PPM1H: variants seen among roughly 807,000 people sequenced by gnomAD.
The protein encoded by PPM1H is protein phosphatase, Mg2+/Mn2+ dependent 1H, also known as protein phosphatase 1H.
A neutral mutation model predicts 54.9 loss-of-function variants in PPM1H; 27 were observed. The observed-to-expected ratio is 0.49, with a 90% CI of 0.36 to 0.68. The LOEUF is 0.68. Ranked by LOEUF, PPM1H falls within the 30% of genes least tolerant of loss-of-function variation. The pLI, the probability that PPM1H is intolerant of heterozygous loss-of-function variation, is 0.00. For synonymous variants in PPM1H, 305 were observed against 270.8 expected, an observed-to-expected ratio of 1.13 and a Z score of -1.24; for missense variants, 596 against 667.8, an observed-to-expected ratio of 0.89 and a Z score of 1.19.
chr12:62,741,370 T>C (rs2076380079), intron 4 of PPM1H, among the ~76,000 whole-genome samples: 1 of 152,196 alleles, frequency 6.6e-6, no homozygotes, highest in East Asian at 1.9e-4. Context: ...TCTGCCCTCC[T>C]CTGCCCCGTG....
At chr12:62,780,087 C>T (rs2076632662) in intron 4 of PPM1H, among the ~76,000 whole-genome samples, 1 of 152,082 alleles carries the variant, frequency 6.6e-6, no homozygotes, top group Admixed American at 6.6e-5. Flanking sequence ...CATGTAAAGC[C>T]CTAGACACTA....
chr12:62,695,972 C>G (rs1014297885), intron 6 of PPM1H, among the ~76,000 whole-genome samples: 2 of 152,076 alleles, frequency 1.3e-5, no homozygotes, highest in Non-Finnish European at 2.9e-5. Flanking sequence ...GAGATCCAGG[C>G]ACAGGAGGAG....
chr12:62,900,531 G>A lies in PPM1H; in HGVS notation c.245+33961C>T, dbSNP rs923366711. Among the ~76,000 whole-genome samples, 6 of 142,592 alleles carry A rather than the reference G, an allele frequency of 4.2e-5. No individual in the cohort carries two copies. The East Asian group carries it at 6.1e-4, about 15-fold the overall frequency. The allele number at this position is 142,592 out of a possible 152,430, so 93.5% of individuals were successfully genotyped here. On this transcript the variant is annotated intron_variant, in intron 1 of 9. Coordinates refer to ENST00000228705, the MANE Select transcript of PPM1H (RefSeq NM_020700.2). ...GCACATGTACCCTAGAACTTAAAATGTAATAATAATAATAATAATAATAAA... is the reference window on the plus strand; with the variant it reads ...GCACATGTACCCTAGAACTTAAAATATAATAATAATAATAATAATAATAAA...
At chr12:62,784,108 C>T (rs541514542) in intron 4 of PPM1H, among the ~76,000 whole-genome samples, 1 of 152,314 alleles carries the variant, frequency 6.6e-6, no homozygotes, top group South Asian at 2.1e-4. Flanking sequence ...AGTTGGCTGA[C>T]TCTGCCGGGG....
chr12:62,809,807 T>G lies in PPM1H; in HGVS notation c.412-7647A>C, dbSNP rs142529510. On this transcript the variant is annotated intron_variant, in intron 2 of 9. Transcript: ENST00000228705. ...ACTCTTCAGCACATCTCTTGCTTCC[T>G]TCAGTGGTCCTGAACTTCTCTCATT... Among the ~76,000 whole-genome samples, 3 of 152,340 alleles carry G rather than the reference T, an allele frequency of 2.0e-5. No homozygotes were observed. The East Asian group carries it at 5.8e-4, about 29-fold the overall frequency.
chr12:62,853,581 T>C (rs1295574370), intron 1 of PPM1H, among the ~76,000 whole-genome samples: 4 of 151,960 alleles, frequency 2.6e-5, no homozygotes, highest in Non-Finnish European at 4.4e-5. Flanking sequence ...TAGTTCTCGG[T>C]TTCCTGGCTG....
chr12:62,772,127 C>A (rs2076583030), intron 4 of PPM1H, among the ~76,000 whole-genome samples: 1 of 152,176 alleles, frequency 6.6e-6, no homozygotes, highest in Admixed American at 6.5e-5. Flanking sequence ...CCTAGCATTT[C>A]TATTTTAATA....
chr12:62,669,968 C>CCTTTTT (rs1491567658), intron 8 of PPM1H, among the ~76,000 whole-genome samples: 1 of 52,110 alleles, frequency 1.9e-5, no homozygotes, highest in African/African-American at 1.5e-4. Flanking sequence ...AGGATTGATT[C>CCTTTTT]CTTTTTTTTT....
At chr12:62,879,675 T>C (rs1170553306) in intron 1 of PPM1H, among the ~76,000 whole-genome samples, 1 of 151,980 alleles carries the variant, frequency 6.6e-6, no homozygotes, top group Non-Finnish European at 1.5e-5. Flanking sequence ...GACGAGTTGA[T>C]GGGTGCAGCA....
intron 9 of PPM1H, among the ~76,000 whole-genome samples, chr12:62,657,957 G>A (rs2075854623): frequency 6.6e-6 from 1 of 150,938 alleles, no homozygotes; most frequent in Non-Finnish European, 1.5e-5. Flanking sequence ...TAGGGTTTAT[G>A]GTATACTGGT....
intron 6 of PPM1H, among the ~76,000 whole-genome samples, chr12:62,700,525 TA>T (rs2076138445): frequency 1.3e-5 from 2 of 152,234 alleles, no homozygotes; most frequent in South Asian, 4.1e-4. Context: ...CTATTAACAT[TA>T]TGTCAAATAC....
chr12:62,802,648 C>G (rs1018480955), intron 2 of PPM1H, among the ~76,000 whole-genome samples: 2 of 151,736 alleles, frequency 1.3e-5, no homozygotes, highest in Non-Finnish European at 2.9e-5. Context: ...ACTGCAACCT[C>G]CACCGCCCAG....
intron 1 of PPM1H, among the ~76,000 whole-genome samples, chr12:62,919,787 G>C (rs1871735588): frequency 6.6e-6 from 1 of 152,116 alleles, no homozygotes; most frequent in Non-Finnish European, 1.5e-5. Flanking sequence ...GTCCCTCTGA[G>C]GATGGCAAGG....
At chr12:62,683,785 A>G (rs1278187935) in intron 8 of PPM1H, among the ~76,000 whole-genome samples, 1 of 152,212 alleles carries the variant, frequency 6.6e-6, no homozygotes, top group Non-Finnish European at 1.5e-5. Context: ...GCTAAAGGCA[A>G]CAGCACAGTC....
At chr12:62,912,782 T>C (rs1871500323) in intron 1 of PPM1H, among the ~76,000 whole-genome samples, 2 of 152,206 alleles carry the variant, frequency 1.3e-5, no homozygotes, top group Non-Finnish European at 2.9e-5. Flanking sequence ...AAGAGAATTT[T>C]ATTAACAGAC....
At chr12:62,757,892 T>G (rs1287832410) in intron 4 of PPM1H, among the ~76,000 whole-genome samples, 1 of 152,210 alleles carries the variant, frequency 6.6e-6, no homozygotes, top group Non-Finnish European at 1.5e-5. Flanking sequence ...CAACCACCTC[T>G]CAAAGAAGAA....
intron 9 of PPM1H, among the ~76,000 whole-genome samples, chr12:62,650,463 A>C (rs11174580): frequency 6.6e-6 from 1 of 152,150 alleles, no homozygotes; most frequent in Admixed American, 6.5e-5. Flanking sequence ...AAAGGCCTCC[A>C]AAGAGATCTT....
chr12:62,729,558 C>G (rs924462223), intron 5 of PPM1H, among the ~76,000 whole-genome samples: 3 of 152,222 alleles, frequency 2.0e-5, no homozygotes, highest in African/African-American at 7.2e-5. Context: ...ATTGAACACA[C>G]CTGTGTAGCT....
chr12:62,719,785 C>T (rs188253949), intron 6 of PPM1H, among the ~76,000 whole-genome samples: 2 of 152,284 alleles, frequency 1.3e-5, no homozygotes, highest in East Asian at 3.9e-4. Context: ...TTAGAAGAAT[C>T]AGAGTCAGGA....
Sources: gnomAD v4.1 joint callset for allele counts (sites outside exome capture counted in the v4.1 genomes callset) on GRCh38, gnomAD v4.1.1 for gene constraint, MANE v1.5 for transcripts, NCBI Gene and HGNC (gene_info 2026-07-23, HGNC 2026-07-21) for gene names.